The following GPR26 variants were observed in gnomAD, a reference collection of about 807,000 sequenced individuals.
GPR26 encodes G protein-coupled receptor 26.
A neutral mutation model predicts 23.1 loss-of-function variants in GPR26; 15 were observed. The ratio of observed to expected loss-of-function variants is 0.65; its 90% CI spans 0.43 to 1.00. The LOEUF is 1.00. GPR26 is among the 50% of genes least tolerant of loss of function. The probability of loss-of-function intolerance (pLI) is 0.00; values close to 1 mark genes in which losing one functional copy is unlikely to be tolerated. For synonymous variants in GPR26, 228 were observed against 222.1 expected, an observed-to-expected ratio of 1.03 and a Z score of -0.24; for missense variants, 359 against 470.5, an observed-to-expected ratio of 0.76 and a Z score of 2.19.
Position 123,691,996 on chromosome 10 carries a change from C to G in GPR26, c.*3836C>G, listed in dbSNP as rs1460790028. Reference sequence around the variant, plus strand: ...AGGTTTCAATTGTCTTGTATCTTTCCCTAATTCTCCAAACAGTTCAATCTC... The same window carrying G: ...AGGTTTCAATTGTCTTGTATCTTTCGCTAATTCTCCAAACAGTTCAATCTC... On this transcript the variant is annotated 3_prime_UTR_variant, in exon 3 of 3. Transcript: ENST00000284674. The G allele has an allele frequency of 1.3e-5, 2 of 152,150 alleles. No individual in the cohort carries two copies. Among genetic ancestry groups the G allele is most frequent in the East Asian group, 3.9e-4 (2 of 5,192 alleles). The allele number at this position is 152,150 out of a possible 1,614,324, so 9.4% of individuals were successfully genotyped here. A position where few individuals can be genotyped will look rare whatever the true frequency, so the allele number is the denominator to read the frequency against.
In GPR26 at chr10:123,691,109, C is replaced by A. The variant is rs1845486608; in HGVS notation, c.*2949C>A. 1 of 152,166 alleles carries A rather than the reference C, an allele frequency of 6.6e-6. No homozygotes were observed. The highest frequency in any genetic ancestry group is 1.5e-5 in the Non-Finnish European group (1 of 68,026). The allele number at this position is 152,166 out of a possible 1,614,324, so 9.4% of individuals were successfully genotyped here. A position where few individuals can be genotyped will look rare whatever the true frequency, so the allele number is the denominator to read the frequency against. ...TTTGCCTTTTTAAGTCACGCTGCAA[C>A]TATTCCGGCTTTTTATATGGCACCT... is the stretch of plus-strand genomic sequence containing the variant. On this transcript the variant is annotated 3_prime_UTR_variant, in exon 3 of 3. Transcript: ENST00000284674.
intron 1 of GPR26, among the ~76,000 whole-genome samples, chr10:123,671,789 C>A (rs535494064): frequency 1.3e-5 from 2 of 152,164 alleles, no homozygotes; most frequent in Non-Finnish European, 2.9e-5. Flanking sequence ...GTCCTGAATT[C>A]TCTGTGTAAC....
rs148723228 is a variant in GPR26, at chr10:123,677,182, T to TAA, written c.782+2251_782+2252insAA. On this transcript the variant is annotated intron_variant, in intron 2 of 2. Transcript: ENST00000284674. Reference sequence around the variant, plus strand: ...TTCATTTCCCAACAACATTTTCCTTTTAAAAAAAAAATTACAGCTAGGTTC... The same window carrying TAA: ...TTCATTTCCCAACAACATTTTCCTTTAATAAAAAAAAAATTACAGCTAGGTTC... Among the ~76,000 whole-genome samples the TAA allele has an allele frequency of 1.3e-3, 200 of 151,312 alleles. 1 individual carries two copies. The highest frequency in any genetic ancestry group is 3.1e-3 in the African/African-American group (126 of 41,246).
At chr10:123,683,036 G>A (rs1215385248) in intron 2 of GPR26, among the ~76,000 whole-genome samples, 2 of 19,480 alleles carry the variant, frequency 1.0e-4, no homozygotes, top group South Asian at 2.0e-3. Context: ...GTGTTTACGT[G>A]TGTGTGTGTG....
At chr10:123,686,356 C>A (rs1406510732) in intron 2 of GPR26, among the ~76,000 whole-genome samples, 1 of 152,160 alleles carries the variant, frequency 6.6e-6, no homozygotes, top group Non-Finnish European at 1.5e-5. Context: ...AAATAGATTT[C>A]TTTAAAGTAT....
chr10:123,668,669 C>T (rs1026227512), intron 1 of GPR26, among the ~76,000 whole-genome samples: 3 of 152,212 alleles, frequency 2.0e-5, no homozygotes, highest in Non-Finnish European at 4.4e-5. Context: ...TTCCATGACT[C>T]AGAGCTGAGA....
rs764872974 is a variant in GPR26 at position 123,688,200 on chromosome 10, G to A, written c.*40G>A. ...GCTGAAGAGTTTAGAATGAGGCAGC[G>A]GTGAGAAGAAGGGTGGGAGGGCGTG... is the stretch of plus-strand genomic sequence containing the variant. On this transcript the variant is annotated 3_prime_UTR_variant, in exon 3 of 3. Coordinates refer to ENST00000284674, the MANE Select transcript of GPR26 (RefSeq NM_153442.4). 1.2e-5 allele frequency: 15 copies of A among 1,270,566 alleles called. No individual in the cohort carries two copies. Among genetic ancestry groups the A allele is most frequent in the East Asian group, 7.0e-5 (3 of 42,956 alleles). The allele number at this position is 1,270,566 out of a possible 1,614,324, so 78.7% of individuals were successfully genotyped here.
chr10:123,689,644 A>G lies in GPR26; in HGVS notation c.*1484A>G, dbSNP rs1400589005. ...TCCTAACTTTGGAGGTATAGAAGGA[A>G]GGATGTGGTCCAACGGGAAGGAAGT... On this transcript the variant is annotated 3_prime_UTR_variant, in exon 3 of 3. Transcript: ENST00000284674. 1 of 152,240 alleles carries G rather than the reference A, an allele frequency of 6.6e-6. No individual in the cohort carries two copies. The highest frequency in any genetic ancestry group is 1.5e-5 in the Non-Finnish European group (1 of 68,044). 9.4% of individuals were successfully genotyped at this position (152,240 alleles called of 1,614,324 possible). A position where few individuals can be genotyped will look rare whatever the true frequency, so the allele number is the denominator to read the frequency against.
chr10:123,675,833 C>CGTGTGTGTGTGTAAGTGTGT (rs1554863877), intron 2 of GPR26, among the ~76,000 whole-genome samples: 3 of 134,176 alleles, frequency 2.2e-5, no homozygotes, highest in Non-Finnish European at 1.6e-5. Flanking sequence ...TGTGTGTGTA[C>CGTGTGTGTGTGTAAGTGTGT]GTGTGTGTGT....
At chr10:123,680,128 C>G (rs1218640239) in intron 2 of GPR26, among the ~76,000 whole-genome samples, 3 of 152,204 alleles carry the variant, frequency 2.0e-5, no homozygotes, top group Non-Finnish European at 2.9e-5. Context: ...CAGCTGCAGC[C>G]CCAGCACTAA....
At chr10:123,669,047 T>G (rs537486148) in intron 1 of GPR26, among the ~76,000 whole-genome samples, 76 of 152,282 alleles carry the variant, frequency 5.0e-4, no homozygotes, top group Middle Eastern at 3.4e-3. Context: ...CGATTTCCCC[T>G]CCATTCCTCT....
chr10:123,685,383 CAG>C (rs1208739011), intron 2 of GPR26, among the ~76,000 whole-genome samples: 2 of 152,196 alleles, frequency 1.3e-5, no homozygotes, highest in African/African-American at 4.8e-5. Flanking sequence ...TGGGGGCTGT[CAG>C]AGCTAGTGTG....
chr10:123,683,541 G>A (rs74876600), intron 2 of GPR26, among the ~76,000 whole-genome samples: 6,402 of 150,956 alleles, frequency 0.042, 252 homozygotes, highest in African/African-American at 0.093. Flanking sequence ...GAAGGCCTTG[G>A]AGTTCTGGCA....
intron 1 of GPR26, among the ~76,000 whole-genome samples, chr10:123,671,624 T>C (rs1845251194): frequency 1.3e-5 from 2 of 152,106 alleles, no homozygotes; most frequent in Admixed American, 6.5e-5. Context: ...CTCTGCACCA[T>C]AGATTCTGCC....
chr10:123,679,141 T>G (rs767156955), intron 2 of GPR26, among the ~76,000 whole-genome samples: 4 of 152,242 alleles, frequency 2.6e-5, no homozygotes, highest in Non-Finnish European at 5.9e-5. Flanking sequence ...TGAAATGTAG[T>G]TGAAGATTTA....
chr10:123,668,029 C>A (rs1283452107), intron 1 of GPR26, among the ~76,000 whole-genome samples: 1 of 152,126 alleles, frequency 6.6e-6, no homozygotes, highest in Non-Finnish European at 1.5e-5. Flanking sequence ...TGCTCTGTGT[C>A]CTGGGACCCT....
At chr10:123,678,401 T>A (rs1311378777) in intron 2 of GPR26, among the ~76,000 whole-genome samples, 1 of 152,106 alleles carries the variant, frequency 6.6e-6, no homozygotes, top group Non-Finnish European at 1.5e-5. Flanking sequence ...CCTCCACCTT[T>A]CTCTCCCGTC....
intron 1 of GPR26, among the ~76,000 whole-genome samples, chr10:123,673,272 A>G (rs1219806): frequency 1 from 151,719 of 152,338 alleles, 75,553 homozygotes; most frequent in East Asian, 1. Context: ...ATCTAGTTAA[A>G]AGGAGTTTTG....
At chr10:123,671,580 C>G (rs541512983) in intron 1 of GPR26, among the ~76,000 whole-genome samples, 3 of 152,202 alleles carry the variant, frequency 2.0e-5, no homozygotes, top group African/African-American at 7.2e-5. Flanking sequence ...CGTACCTGAC[C>G]GGGTTGCCTC....
Sources: allele counts gnomAD v4.1 joint callset (sites outside exome capture counted in the v4.1 genomes callset), GRCh38; gene constraint gnomAD v4.1.1; transcripts MANE v1.5; gene names NCBI Gene and HGNC (gene_info 2026-07-23, HGNC 2026-07-21).